DDA1: variants seen among roughly 807,000 people sequenced by gnomAD.
The protein encoded by DDA1 is DET1- and DDB1-associated protein 1.
Under a neutral mutation model 18.6 loss-of-function variants are expected in DDA1, and 3 were observed. The observed-to-expected ratio is 0.16, with a 90% CI of 0.07 to 0.42. DDA1 has a LOEUF of 0.42. Ranked by LOEUF, DDA1 falls within the 10% of genes least tolerant of loss-of-function variation. The probability of loss-of-function intolerance (pLI) is 0.99; values close to 1 mark genes in which losing one functional copy is unlikely to be tolerated. For missense variants in DDA1, 105 were observed against 138.2 expected, an observed-to-expected ratio of 0.76 and a Z score of 1.20; for synonymous variants, 52 against 54.0, an observed-to-expected ratio of 0.96 and a Z score of 0.17.
rs895783489 is a variant in DDA1, at chr19:17,314,004, C to T, written c.4-19C>T. The T allele has an allele frequency of 1.2e-6, 2 of 1,608,362 alleles. No individual in the cohort carries two copies. The highest frequency in any genetic ancestry group is 1.3e-5 in the African/African-American group (1 of 74,976). On this transcript the variant is annotated intron_variant, in intron 1 of 4. Coordinates refer to ENST00000359866, the MANE Select transcript of DDA1 (RefSeq NM_024050.6). This position sits in a 1 kb window ranked among gnomAD's most constrained non-coding sequence, Gnocchi z 4.6. The stretch of plus-strand genomic sequence containing the variant: ...GGCCCTTGCCTGTTTTCTCATGTAC[C>T]ATCTTCCATGTCTTCTAGGCAGATT...
rs1463239421 is a variant in DDA1, at chr19:17,315,183, G to GTA, written c.137-748_137-747dup. 5.7e-3 allele frequency among the ~76,000 whole-genome samples: 137 copies of GTA among 24,190 alleles called. 44 individuals carry two copies. The highest frequency in any genetic ancestry group is 0.053 in the African/African-American group (120 of 2,260). 15.9% of individuals were successfully genotyped at this position (24,190 alleles called of 152,430 possible). A position where few individuals can be genotyped will look rare whatever the true frequency, so the allele number is the denominator to read the frequency against. On this transcript the variant is annotated intron_variant, in intron 3 of 4. Coordinates refer to ENST00000359866, the MANE Select transcript of DDA1 (RefSeq NM_024050.6). ...TACACACGTGTATATACACACACGT[G>GTA]TATACACACACGTGTATACACACGT...
intron 4 of DDA1, 63 bp downstream of exon 4, chr19:17,316,058 G>GT (rs1194475248): frequency 6.4e-7 from 1 of 1,566,230 alleles, no homozygotes; most frequent in Non-Finnish European, 8.8e-7. Flanking sequence ...ACCTGGCAGG[G>GT]GCTTCTGAGC....
At chr19:17,318,199 C>T (rs932896565) in intron 4 of DDA1, among the ~76,000 whole-genome samples, 2 of 151,728 alleles carry the variant, frequency 1.3e-5, no homozygotes, top group Non-Finnish European at 2.9e-5. Context: ...ATTACAGGCA[C>T]GCGCCACCAT....
rs1418614477 is a variant in DDA1, at chr19:17,313,434, T to G, written c.4-589T>G. ...CTCACAGGGTTGGATTGAAAATGGC[T>G]TTTTTTTTTTTTTTTTTTTTTTTTT... On this transcript the variant is annotated intron_variant, in intron 1 of 4. Transcript: ENST00000359866. 1.3e-4 allele frequency among the ~76,000 whole-genome samples: 3 copies of G among 23,786 alleles called. No individual in the cohort carries two copies. In the South Asian group the frequency reaches 4.1e-3, roughly 33 times the overall value. 15.6% of individuals were successfully genotyped at this position (23,786 alleles called of 152,430 possible).
intron 3 of DDA1, 69 bp from the exon 4 acceptor site, chr19:17,315,865 C>T (rs929550771): frequency 4.7e-6 from 7 of 1,481,874 alleles, no homozygotes; most frequent in Non-Finnish European, 6.6e-6. Context: ...AAAGACCTCC[C>T]AGGGCAGTGT....
At chr19:17,319,442 C>A in intron 4 of DDA1, 104 bp from the exon 5 acceptor site, 1 of 904,132 alleles carries the variant, frequency 1.1e-6, no homozygotes, top group Non-Finnish European at 1.7e-6. Context: ...TGCCTGTAGT[C>A]CTAGCTACTC....
chr19:17,310,572 G>A (rs1400773354), intron 1 of DDA1, among the ~76,000 whole-genome samples: 1 of 152,174 alleles, frequency 6.6e-6, no homozygotes, highest in African/African-American at 2.4e-5. Context: ...AGGGTGATGG[G>A]AAGCTTGGTC....
Position 17,321,207 on chromosome 19 carries a change from C to G in DDA1, c.*1551C>G, listed in dbSNP as rs2074238296. The G allele has an allele frequency of 6.6e-6, 1 of 151,726 alleles. No individual in the cohort carries two copies. Among genetic ancestry groups the G allele is most frequent in the African/African-American group, 2.4e-5 (1 of 41,244 alleles). 9.4% of individuals were successfully genotyped at this position (151,726 alleles called of 1,614,324 possible). ...AGTGCAGTGGCAAGATCTCAGCTCA[C>G]TACAACCTCTGCCTCCCAGGTTCAA... On this transcript the variant is annotated 3_prime_UTR_variant, in exon 5 of 5. Transcript: ENST00000359866.
Position 17,320,052 on chromosome 19 carries a change from C to T in DDA1, c.*396C>T, listed in dbSNP as rs144729786. Reference sequence around the variant, plus strand: ...TGTGGCCGGGCGACAGGGGCGGGCCCGGGGTGGCCTGACCTACCAGGACAG... The same window carrying T: ...TGTGGCCGGGCGACAGGGGCGGGCCTGGGGTGGCCTGACCTACCAGGACAG... On this transcript the variant is annotated 3_prime_UTR_variant, in exon 5 of 5. Coordinates refer to ENST00000359866, the MANE Select transcript of DDA1 (RefSeq NM_024050.6). 1.4e-3 allele frequency: 249 copies of T among 178,252 alleles called. No homozygotes were observed. The highest frequency in any genetic ancestry group is 5.6e-3 in the African/African-American group (237 of 41,956). 11.0% of individuals were successfully genotyped at this position (178,252 alleles called of 1,614,324 possible).
At chr19:17,316,046 G>C in intron 4 of DDA1, 51 bp downstream of exon 4, 1 of 1,579,626 alleles carries the variant, frequency 6.3e-7, no homozygotes, top group Non-Finnish European at 8.7e-7. Flanking sequence ...CAGAGACTGG[G>C]CACCTGGCAG....
In DDA1 at chr19:17,309,625, C is replaced by G; in HGVS notation, c.-30C>G. 6.2e-7 allele frequency: 1 copy of G among 1,611,476 alleles called. No homozygotes were observed. The highest frequency in any genetic ancestry group is 1.3e-5 in the African/African-American group (1 of 74,946). ...GTGGCGGCGGTGGAGGCTGAGGCGG[C>G]GGCCGAGGCGGCGACGGAGGAAACA... On this transcript the variant is annotated 5_prime_UTR_variant, in exon 1 of 5. Transcript: ENST00000359866.
intron 1 of DDA1, among the ~76,000 whole-genome samples, chr19:17,311,187 A>G (rs1347899097): frequency 2.1e-5 from 3 of 146,198 alleles, no homozygotes; most frequent in Non-Finnish European, 3.0e-5. Flanking sequence ...TTCTTTTGAG[A>G]TGGAGTCTTG....
At chr19:17,316,315 C>A (rs1421676378) in intron 4 of DDA1, among the ~76,000 whole-genome samples, 1 of 152,208 alleles carries the variant, frequency 6.6e-6, no homozygotes, top group African/African-American at 2.4e-5. Flanking sequence ...AGTGTGGTGA[C>A]GCATGCCTGT....
Position 17,319,758 on chromosome 19 carries a change from C to A in DDA1, c.*102C>A. 1 of 926,902 alleles carries A rather than the reference C, an allele frequency of 1.1e-6. No individual in the cohort carries two copies. Among genetic ancestry groups the A allele is most frequent in the Non-Finnish European group, 1.7e-6 (1 of 605,722 alleles). 57.4% of individuals were successfully genotyped at this position (926,902 alleles called of 1,614,324 possible). ...CCCCGCCCGCCCGCCTCCCTGCCGG[C>A]CCATCCACACCCTGCGTCCACACCA... On this transcript the variant is annotated 3_prime_UTR_variant, in exon 5 of 5. Transcript: ENST00000359866.
intron 4 of DDA1, among the ~76,000 whole-genome samples, chr19:17,317,894 G>A (rs1488667233): frequency 6.6e-6 from 1 of 151,376 alleles, no homozygotes; most frequent in Non-Finnish European, 1.5e-5. Context: ...CCCGCCTCCC[G>A]CTTCTGGTGC....
rs377237894 is a variant in DDA1 at position 17,319,764 on chromosome 19, C to G, written c.*108C>G. Reference sequence around the variant, plus strand: ...CCGCCCGCCTCCCTGCCGGCCCATCCACACCCTGCGTCCACACCACTTCCA... The same window carrying G: ...CCGCCCGCCTCCCTGCCGGCCCATCGACACCCTGCGTCCACACCACTTCCA... On this transcript the variant is annotated 3_prime_UTR_variant, in exon 5 of 5. Transcript: ENST00000359866. 1 of 911,790 alleles carries G rather than the reference C, an allele frequency of 1.1e-6. No individual in the cohort carries two copies. Among genetic ancestry groups the G allele is most frequent in the East Asian group, 2.6e-5 (1 of 37,808 alleles). 56.5% of individuals were successfully genotyped at this position (911,790 alleles called of 1,614,324 possible). A position where few individuals can be genotyped will look rare whatever the true frequency, so the allele number is the denominator to read the frequency against.
At chr19:17,310,202 C>T (rs1208103723) in intron 1 of DDA1, 1 of 154,006 alleles carries the variant, frequency 6.5e-6, no homozygotes, top group South Asian at 1.9e-4. Context: ...ATCTCCGATC[C>T]GCATGGATTG....
At position 17,315,167 on chromosome 19, in the gene DDA1, GTA is replaced by G. The variant is rs1397857639; in HGVS notation, c.137-762_137-761del. 4.9e-3 allele frequency among the ~76,000 whole-genome samples: 185 copies of G among 37,380 alleles called. 56 individuals carry two copies. The highest frequency in any genetic ancestry group is 0.034 in the African/African-American group (172 of 5,074). The allele number at this position is 37,380 out of a possible 152,430, so 24.5% of individuals were successfully genotyped here. A position where few individuals can be genotyped will look rare whatever the true frequency, so the allele number is the denominator to read the frequency against. The stretch of plus-strand genomic sequence containing the variant: ...TACACACACGTATATATACACACGT[GTA>G]TATACACACACGTGTATACACACAC... On this transcript the variant is annotated intron_variant, in intron 3 of 4. Transcript: ENST00000359866.
Position 17,321,588 on chromosome 19 carries a change from T to A in DDA1, c.*1932T>A, listed in dbSNP as rs1163611928. ...AGGTCTCTGTTTTGAGAGCTGAGTC[T>A]GAGGGCGTTGGGATGGTGTAGGGTT... On this transcript the variant is annotated 3_prime_UTR_variant, in exon 5 of 5. Coordinates refer to ENST00000359866, the MANE Select transcript of DDA1 (RefSeq NM_024050.6). The A allele has an allele frequency of 6.6e-6, 1 of 152,436 alleles. No homozygotes were observed. The highest frequency in any genetic ancestry group is 2.4e-5 in the African/African-American group (1 of 41,446). 9.4% of individuals were successfully genotyped at this position (152,436 alleles called of 1,614,324 possible). A position where few individuals can be genotyped will look rare whatever the true frequency, so the allele number is the denominator to read the frequency against.
Sources: allele counts gnomAD v4.1 joint callset (sites outside exome capture counted in the v4.1 genomes callset), GRCh38; gene constraint gnomAD v4.1.1; non-coding constraint Gnocchi (gnomAD v3.1); transcripts MANE v1.5; gene names NCBI Gene and HGNC (gene_info 2026-07-23, HGNC 2026-07-21).